The following WDR37 variants were observed in gnomAD, a reference collection of about 807,000 sequenced individuals.
WDR37 encodes the protein WD repeat domain 37, also known as WD repeat-containing protein 37.
In WDR37, 19 loss-of-function variants were observed where a neutral mutation model predicts 62.9. The observed-to-expected ratio is 0.30, with a 90% CI of 0.21 to 0.44. The LOEUF (loss-of-function observed/expected upper bound fraction) is 0.44. WDR37 is among the 20% of genes least tolerant of loss of function. The probability of loss-of-function intolerance (pLI) is 1.00; values close to 1 mark genes in which losing one functional copy is unlikely to be tolerated. For synonymous variants in WDR37, 250 were observed against 260.9 expected (o/e 0.96, Z 0.40); for missense variants, 474 against 657.6 (o/e 0.72, Z 3.05).
chr10:1,087,188 G>A (rs1589094938), intron 7 of WDR37, among the ~76,000 whole-genome samples: 1 of 152,214 alleles, frequency 6.6e-6, no homozygotes, highest in Non-Finnish European at 1.5e-5. Flanking sequence ...CCCTTAGTGT[G>A]TAGACAGGCT....
chr10:1,096,310 TTA>T (rs1834573053), intron 9 of WDR37, 64 bp downstream of exon 9: 1 of 1,538,090 alleles, frequency 6.5e-7, no homozygotes, highest in Admixed American at 1.7e-5. Context: ...GAGAATCCAT[TTA>T]TGATATCTGT....
At chr10:1,101,293 G>A (rs1454751891) in intron 9 of WDR37, among the ~76,000 whole-genome samples, 7 of 152,186 alleles carry the variant, frequency 4.6e-5, no homozygotes, top group Non-Finnish European at 1.0e-4. Flanking sequence ...CTGGAAGCCC[G>A]AGATGAGGGT....
chr10:1,093,527 ATGAT>A (rs1564504603), intron 8 of WDR37, 31 bp downstream of exon 8: 1 of 1,556,544 alleles, frequency 6.4e-7, no homozygotes, highest in Non-Finnish European at 8.8e-7. Context: ...ATTGAACAAA[ATGAT>A]AGATGGTCTT....
chr10:1,099,232 A>G (rs1282222303), intron 9 of WDR37, among the ~76,000 whole-genome samples: 1 of 152,204 alleles, frequency 6.6e-6, no homozygotes, highest in African/African-American at 2.4e-5. Context: ...TTATCTCCCT[A>G]GTTTCAATGA....
intron 13 of WDR37, among the ~76,000 whole-genome samples, chr10:1,126,854 A>G (rs1311375191): frequency 2.6e-5 from 4 of 152,352 alleles, no homozygotes; most frequent in African/African-American, 4.8e-5. Context: ...ATGAGAGTGC[A>G]CTGTTTGAAG....
intron 9 of WDR37, 125 bp downstream of exon 9, chr10:1,096,371 C>A (rs1589103878): frequency 9.8e-7 from 1 of 1,017,562 alleles, no homozygotes; most frequent in East Asian, 2.5e-5. Context: ...GAAGGCCTCA[C>A]CCCCGGTATG....
chr10:1,072,394 A>C, intron 2 of WDR37, 101 bp downstream of exon 2: 1 of 1,472,452 alleles, frequency 6.8e-7, no homozygotes, highest in Non-Finnish European at 9.3e-7. Context: ...CTCCGCTCAC[A>C]ACCTCCACCT....
intron 1 of WDR37, among the ~76,000 whole-genome samples, chr10:1,069,231 A>G (rs1455410335): frequency 2.6e-5 from 4 of 151,864 alleles, no homozygotes; most frequent in African/African-American, 9.7e-5. Flanking sequence ...TTTTAAAGCT[A>G]AATATACATT....
At chr10:1,112,765 G>GC (rs1835256121) in intron 11 of WDR37, among the ~76,000 whole-genome samples, 1 of 152,220 alleles carries the variant, frequency 6.6e-6, no homozygotes, top group African/African-American at 2.4e-5. Context: ...CCAGAGCAGG[G>GC]CCCTGACTCT....
rs1834884931 is a variant in WDR37, at chr10:1,103,232, C to G, written c.727-370C>G. On this transcript the variant is annotated intron_variant, in intron 9 of 13. Coordinates refer to ENST00000263150, the MANE Select transcript of WDR37 (RefSeq NM_014023.4). This position sits in a 1 kb window ranked among gnomAD's most constrained non-coding sequence, Gnocchi z 6.3. ...TGTAATGTGATAAATTACTGACTTTCATTTGTATTTGGTTAGTTTTATATT... is the reference window on the plus strand; with the variant it reads ...TGTAATGTGATAAATTACTGACTTTGATTTGTATTTGGTTAGTTTTATATT... Among the ~76,000 whole-genome samples, 1 of 152,160 alleles carries G rather than the reference C, an allele frequency of 6.6e-6. No homozygotes were observed. The highest frequency in any genetic ancestry group is 6.5e-5 in the Admixed American group (1 of 15,280).
At chr10:1,069,389 A>ATATATATATATATTTTT in intron 1 of WDR37, among the ~76,000 whole-genome samples, 4 of 95,778 alleles carry the variant, frequency 4.2e-5, no homozygotes, top group African/African-American at 9.4e-5. Flanking sequence ...ATATATATAT[A>ATATATATATATATTTTT]TTTTTTTTTT....
intron 1 of WDR37, among the ~76,000 whole-genome samples, chr10:1,060,623 G>A (rs1228310365): frequency 6.6e-6 from 1 of 152,146 alleles, no homozygotes; most frequent in Non-Finnish European, 1.5e-5. Context: ...GTGCATAGAG[G>A]TTAAAGAAGG....
At chr10:1,081,470 T>C (rs1356920179) in intron 5 of WDR37, among the ~76,000 whole-genome samples, 1 of 152,244 alleles carries the variant, frequency 6.6e-6, no homozygotes. Context: ...TAATTTAGCA[T>C]GACATCTATA....
chr10:1,096,591 C>T (rs1834585776), intron 9 of WDR37: 6 of 298,714 alleles, frequency 2.0e-5, no homozygotes, highest in African/African-American at 6.4e-5. Context: ...GACTTCCAGC[C>T]TCCAGCACTG....
chr10:1,125,045 C>T (rs954134989), intron 13 of WDR37, 21 bp downstream of exon 13: 1 of 1,613,870 alleles, frequency 6.2e-7, no homozygotes, highest in African/African-American at 1.3e-5. Context: ...GGTCGGTGAA[C>T]ATATGCAGGG....
Position 1,105,084 on chromosome 10 carries a change from C to T in WDR37, c.962-42C>T, listed in dbSNP as rs1332113058. The T allele has an allele frequency of 1.8e-5, 29 of 1,607,494 alleles. No individual in the cohort carries two copies. The highest frequency in any genetic ancestry group is 2.7e-5 in the African/African-American group (2 of 74,812). The stretch of plus-strand genomic sequence containing the variant: ...GTTGAAAAGCGTCTCTCTCAGCGTG[C>T]TCCTCAGGTGATGACCTTGTGTTTT... On this transcript the variant is annotated intron_variant, in intron 10 of 13. Coordinates refer to ENST00000263150, the MANE Select transcript of WDR37 (RefSeq NM_014023.4). This position sits in a 1 kb window ranked among gnomAD's most constrained non-coding sequence, Gnocchi z 5.3.
chr10:1,068,644 T>C (rs1001325931), intron 1 of WDR37, among the ~76,000 whole-genome samples: 1 of 152,044 alleles, frequency 6.6e-6, no homozygotes, highest in East Asian at 1.9e-4. Flanking sequence ...CTGATGATAA[T>C]GTAGAATGAA....
At chr10:1,098,822 G>A (rs1384496805) in intron 9 of WDR37, among the ~76,000 whole-genome samples, 1 of 152,186 alleles carries the variant, frequency 6.6e-6, no homozygotes, top group African/African-American at 2.4e-5. Context: ...GGCAGCCTGC[G>A]TTGAATGAGA....
chr10:1,110,593 G>T (rs1179072122), intron 11 of WDR37, among the ~76,000 whole-genome samples: 1 of 152,362 alleles, frequency 6.6e-6, no homozygotes, highest in East Asian at 1.9e-4. Flanking sequence ...GCACACCTGG[G>T]TGAGGTCCGG....
Sources: gnomAD v4.1 joint callset for allele counts (sites outside exome capture counted in the v4.1 genomes callset) on GRCh38, gnomAD v4.1.1 for gene constraint, Gnocchi (gnomAD v3.1) non-coding constraint, MANE v1.5 for transcripts, NCBI Gene and HGNC (gene_info 2026-07-23, HGNC 2026-07-21) for gene names.